Variants in MARCKSL1 observed in about 807,000 individuals in gnomAD.
MARCKSL1 encodes MARCKS-related protein.
Under a neutral mutation model 13.3 loss-of-function variants are expected in MARCKSL1, and 5 were observed. The ratio of observed to expected loss-of-function variants is 0.38; its 90% confidence interval spans 0.20 to 0.79. MARCKSL1 has a LOEUF of 0.79. Among genes scored for constraint, MARCKSL1 ranks in the 30% least tolerant of loss-of-function variants. The pLI is 0.45. For missense variants in MARCKSL1, 274 were observed against 251.6 expected, an observed-to-expected ratio of 1.09 and a Z score of -0.60; for synonymous variants, 126 against 103.2, an observed-to-expected ratio of 1.22 and a Z score of -1.34.
rs537974298 is a variant in MARCKSL1, at chr1:32,336,189, C to T, written c.-156G>A. Reference sequence around the variant, plus strand: ...AGCTGCACCTCCGCTCCGCGGCCGACCCGCTAGCTGCGCCCGCCGCCGCTC... The same window carrying T: ...AGCTGCACCTCCGCTCCGCGGCCGATCCGCTAGCTGCGCCCGCCGCCGCTC... On this transcript the variant is annotated 5_prime_UTR_variant, in exon 1 of 2. Coordinates refer to ENST00000329421, the MANE Select transcript of MARCKSL1 (RefSeq NM_023009.7). 18 of 348,084 alleles carry T rather than the reference C, an allele frequency of 5.2e-5. No individual in the cohort carries two copies. In the East Asian group the frequency reaches 7.4e-4, roughly 14 times the overall value. The allele number at this position is 348,084 out of a possible 1,614,324, so 21.6% of individuals were successfully genotyped here.
chr1:32,334,712 C>T lies in MARCKSL1; in HGVS notation c.473G>A (p.Gly158Glu). 6.2e-7 allele frequency: 1 copy of T among 1,612,718 alleles called. No homozygotes were observed. Among genetic ancestry groups the T allele is most frequent in the South Asian group, 1.1e-5 (1 of 90,994 alleles). The stretch of plus-strand genomic sequence containing the variant: ...TTCTGAGGCTGCACTAGCCTCTGCC[C>T]CCTTGGCCTGGGGTTCCTGGCTCTC... Reference protein sequence around the residue: ...TPESQEPQAKGAEASAASEEE... With the variant: ...TPESQEPQAKEAEASAASEEE... The change falls in exon 2 of 2, where the codon GGG (glycine) becomes GAG (glutamate). Residue 158 changes from glycine (G) to glutamate (E), a missense_variant. By Grantham distance (98) the Gly-to-Glu change is moderately conservative (BLOSUM62 -2). Transcript: ENST00000329421.
chr1:32,335,982 C>T lies in MARCKSL1; in HGVS notation c.52G>A (p.Ala18Thr). ...GCCTTCGCGGGGGAAGCGCCTGCTG[C>T]CTCCTCGGCGGTCACGTCGCCCCGG... ...APRGDVTAEE[A>T]AGASPAKANG... The change falls in exon 1 of 2, where the codon GCA becomes ACA. Residue 18 changes from alanine to threonine, a missense_variant. Ala to Thr is a moderately conservative substitution (Grantham distance 58, BLOSUM62 0). Transcript: ENST00000329421. The surrounding 1 kb of genome is among the most constrained non-coding windows in gnomAD (Gnocchi z 4.1). 1 of 1,295,634 alleles carries T rather than the reference C, an allele frequency of 7.7e-7. No homozygotes were observed. The highest frequency in any genetic ancestry group is 9.8e-7 in the Non-Finnish European group (1 of 1,019,374). The allele number at this position is 1,295,634 out of a possible 1,614,324, so 80.3% of individuals were successfully genotyped here.
In MARCKSL1 at chr1:32,334,453, G is replaced by A; in HGVS notation, c.*144C>T. On this transcript the variant is annotated 3_prime_UTR_variant, in exon 2 of 2. Coordinates refer to ENST00000329421, the MANE Select transcript of MARCKSL1 (RefSeq NM_023009.7). ...GGGAGAATCCACAGGAGGGAGAGGA[G>A]GAAAGGGAACGTGGCTGGGAGGAGG... is the stretch of plus-strand genomic sequence containing the variant. The A allele has an allele frequency of 1.0e-6, 1 of 986,316 alleles. No individual in the cohort carries two copies. The highest frequency in any genetic ancestry group is 3.0e-5 in the Admixed American group (1 of 33,416). 61.1% of individuals were successfully genotyped at this position (986,316 alleles called of 1,614,324 possible). A position where few individuals can be genotyped will look rare whatever the true frequency, so the allele number is the denominator to read the frequency against.
In MARCKSL1 at chr1:32,335,711, G is replaced by A. The variant is rs1327476181; in HGVS notation, c.87+236C>T. On this transcript the variant is annotated intron_variant, in intron 1 of 1. Transcript: ENST00000329421. The surrounding 1 kb of genome is among the most constrained non-coding windows in gnomAD (Gnocchi z 4.1). Reference sequence around the variant, plus strand: ...CTCGGGGCGGCCGGGGGGCAGCGCCGGGGACCGGGGCCGCGAACAAAGAAG... The same window carrying A: ...CTCGGGGCGGCCGGGGGGCAGCGCCAGGGACCGGGGCCGCGAACAAAGAAG... Among the ~76,000 whole-genome samples, 2 of 151,150 alleles carry A rather than the reference G, an allele frequency of 1.3e-5. No individual in the cohort carries two copies. The highest frequency in any genetic ancestry group is 4.8e-5 in the African/African-American group (2 of 41,298).
Position 32,334,939 on chromosome 1 carries a change from G to A in MARCKSL1, c.246C>T (p.Pro82=), listed in dbSNP as rs1297050407. ...QGAEAKGEVP[P]KETPKKKKKF... is the part of the protein sequence containing the mutation. ...TCTTCTTCTTCTTGGGGGTCTCCTT[G>A]GGGGGGACCTCCCCCTTGGCCTCAG... The change falls in exon 2 of 2, where the codon CCC becomes CCT. Residue 82 remains proline, a synonymous_variant. Transcript: ENST00000329421. 2.5e-6 allele frequency: 4 copies of A among 1,611,896 alleles called. No homozygotes were observed. Among genetic ancestry groups the A allele is most frequent in the Non-Finnish European group, 3.4e-6 (4 of 1,179,882 alleles).
chr1:32,334,288 C>A lies in MARCKSL1; in HGVS notation c.*309G>T. On this transcript the variant is annotated 3_prime_UTR_variant, in exon 2 of 2. Coordinates refer to ENST00000329421, the MANE Select transcript of MARCKSL1 (RefSeq NM_023009.7). ...CTTGGAAAAGAATTGGGGAAGAAAA[C>A]CAACAACTGCCTTATGCAGGGGTGG... The A allele has an allele frequency of 3.6e-6, 1 of 279,676 alleles. No individual in the cohort carries two copies. Among genetic ancestry groups the A allele is most frequent in the Non-Finnish European group, 6.6e-6 (1 of 150,648 alleles). 17.3% of individuals were successfully genotyped at this position (279,676 alleles called of 1,614,324 possible).
rs912638713 is a variant in MARCKSL1, at chr1:32,336,183, G to T, written c.-150C>A. ...AAGCCGAGCTGCACCTCCGCTCCGC[G>T]GCCGACCCGCTAGCTGCGCCCGCCG... On this transcript the variant is annotated 5_prime_UTR_variant, in exon 1 of 2. Coordinates refer to ENST00000329421, the MANE Select transcript of MARCKSL1 (RefSeq NM_023009.7). The T allele has an allele frequency of 1.7e-5, 6 of 353,452 alleles. No individual in the cohort carries two copies. The South Asian group carries it at 4.1e-4, about 24-fold the overall frequency. 21.9% of individuals were successfully genotyped at this position (353,452 alleles called of 1,614,324 possible).
At position 32,336,038 on chromosome 1, in the gene MARCKSL1, G is replaced by C. The variant is rs763465975; in HGVS notation, c.-5C>G. On this transcript the variant is annotated 5_prime_UTR_variant, in exon 1 of 2. Coordinates refer to ENST00000329421, the MANE Select transcript of MARCKSL1 (RefSeq NM_023009.7). The stretch of plus-strand genomic sequence containing the variant: ...CTTGGAGCTCTGGCTGCCCATGATG[G>C]GGGTCTGCTGGGGGGCGCTTGGAGC... The C allele has an allele frequency of 7.8e-6, 10 of 1,286,420 alleles. No homozygotes were observed. The highest frequency in any genetic ancestry group is 2.0e-6 in the Non-Finnish European group (2 of 1,014,992). The allele number at this position is 1,286,420 out of a possible 1,614,324, so 79.7% of individuals were successfully genotyped here. A position where few individuals can be genotyped will look rare whatever the true frequency, so the allele number is the denominator to read the frequency against.
In MARCKSL1 at chr1:32,335,554, TAA is replaced by T. The variant is rs1284144780; in HGVS notation, c.87+391_87+392del. On this transcript the variant is annotated intron_variant, in intron 1 of 1. Coordinates refer to ENST00000329421, the MANE Select transcript of MARCKSL1 (RefSeq NM_023009.7). The surrounding 1 kb of genome is among the most constrained non-coding windows in gnomAD (Gnocchi z 4.1). ...GCTCTCCCGCATCTCGGCTCCCCCT[TAA>T]AAAAAAAAAGACCGTGGGCCACCGA... is the stretch of plus-strand genomic sequence containing the variant. 7.0e-6 allele frequency among the ~76,000 whole-genome samples: 1 copy of T among 143,116 alleles called. No individual in the cohort carries two copies. The allele number at this position is 143,116 out of a possible 152,430, so 93.9% of individuals were successfully genotyped here. A position where few individuals can be genotyped will look rare whatever the true frequency, so the allele number is the denominator to read the frequency against.
Position 32,336,047 on chromosome 1 carries a change from T to TG in MARCKSL1, c.-15dup, listed in dbSNP as rs772712395. ...CTGGCTGCCCATGATGGGGGTCTGC[T>TG]GGGGGGCGCTTGGAGCCGCCCCGGG... On this transcript the variant is annotated 5_prime_UTR_variant, in exon 1 of 2. Transcript: ENST00000329421. The TG allele has an allele frequency of 3.6e-6, 4 of 1,112,232 alleles. No homozygotes were observed. Among genetic ancestry groups the TG allele is most frequent in the East Asian group, 5.3e-5 (1 of 18,874 alleles). 68.9% of individuals were successfully genotyped at this position (1,112,232 alleles called of 1,614,324 possible). A position where few individuals can be genotyped will look rare whatever the true frequency, so the allele number is the denominator to read the frequency against.
At position 32,335,277 on chromosome 1, in the gene MARCKSL1, G is replaced by T. The variant is rs1050535414; in HGVS notation, c.88-180C>A. 6.6e-6 allele frequency among the ~76,000 whole-genome samples: 1 copy of T among 152,120 alleles called. No individual in the cohort carries two copies. The highest frequency in any genetic ancestry group is 2.4e-5 in the African/African-American group (1 of 41,452). On this transcript the variant is annotated intron_variant, in intron 1 of 1. Transcript: ENST00000329421. This position sits in a 1 kb window ranked among gnomAD's most constrained non-coding sequence, Gnocchi z 4.1. ...TCCCTCTCGCCCCTCACGGGCGCGC[G>T]GGGAGCGAGCGCGCAGAGGGCGCGA...
In MARCKSL1 at chr1:32,334,681, CTCT is replaced by C. The variant is rs781178665; in HGVS notation, c.501_503del (p.Glu168del). 3.5e-5 allele frequency: 57 copies of C among 1,611,856 alleles called. No individual in the cohort carries two copies. Among genetic ancestry groups the C allele is most frequent in the East Asian group, 1.6e-4 (7 of 44,888 alleles). On this transcript the variant is annotated inframe_deletion, in exon 2 of 2. Transcript: ENST00000329421. ...ATGGCTCTGTAGCCTGGGGCCCTGC[CTCT>C]TCTTCTGAGGCTGCACTAGCCTCTG... is the stretch of plus-strand genomic sequence containing the variant.
In MARCKSL1 at chr1:32,335,944, C is replaced by T; in HGVS notation, c.87+3G>A. The T allele has an allele frequency of 7.8e-7, 1 of 1,289,040 alleles. No individual in the cohort carries two copies. 79.9% of individuals were successfully genotyped at this position (1,289,040 alleles called of 1,614,324 possible). A position where few individuals can be genotyped will look rare whatever the true frequency, so the allele number is the denominator to read the frequency against. On this transcript the variant is annotated splice_donor_region_variant and intron_variant, in intron 1 of 1. Coordinates refer to ENST00000329421, the MANE Select transcript of MARCKSL1 (RefSeq NM_023009.7). This position sits in a 1 kb window ranked among gnomAD's most constrained non-coding sequence, Gnocchi z 4.1. ...TGGGGCCGGCCGGGCCAAGCGTACC[C>T]ACCTGGCCGTTGGCCTTCGCGGGGG...
At position 32,334,922 on chromosome 1, in the gene MARCKSL1, T is replaced by C. The variant is rs1641359620; in HGVS notation, c.263A>G (p.Lys88Arg). 6.2e-7 allele frequency: 1 copy of C among 1,612,464 alleles called. No homozygotes were observed. Among genetic ancestry groups the C allele is most frequent in the Non-Finnish European group, 8.5e-7 (1 of 1,180,002 alleles). The change falls in exon 2 of 2, where the codon AAG becomes AGG. Residue 88 changes from lysine (K) to arginine (R), a missense_variant. Coordinates refer to ENST00000329421, the MANE Select transcript of MARCKSL1 (RefSeq NM_023009.7). ...CTTCTTGAAAGAGAATTTCTTCTTC[T>C]TCTTGGGGGTCTCCTTGGGGGGGAC... ...GEVPPKETPK[K>R]KKKFSFKKPF...
In MARCKSL1 at chr1:32,335,836, G is replaced by T; in HGVS notation, c.87+111C>A. 1 of 471,170 alleles carries T rather than the reference G, an allele frequency of 2.1e-6. No individual in the cohort carries two copies. The highest frequency in any genetic ancestry group is 3.3e-6 in the Non-Finnish European group (1 of 303,582). 29.2% of individuals were successfully genotyped at this position (471,170 alleles called of 1,614,324 possible). On this transcript the variant is annotated intron_variant, in intron 1 of 1. Transcript: ENST00000329421. This position sits in a 1 kb window ranked among gnomAD's most constrained non-coding sequence, Gnocchi z 4.1. ...AAAGGGACCGGGCGGGGGAGGGGGC[G>T]CCGCGTGTCCCGGGCCGGACAAAGC...
At position 32,335,766 on chromosome 1, in the gene MARCKSL1, C is replaced by T. The variant is rs1300188466; in HGVS notation, c.87+181G>A. Among the ~76,000 whole-genome samples, 1 of 149,688 alleles carries T rather than the reference C, an allele frequency of 6.7e-6. No homozygotes were observed. Among genetic ancestry groups the T allele is most frequent in the Non-Finnish European group, 1.5e-5 (1 of 67,108 alleles). Reference sequence around the variant, plus strand: ...CAGGGCCCGGCCGGCGCCCCCTCCCCGCCCCTCCCCTCGCTTCGCCCGCGG... The same window carrying T: ...CAGGGCCCGGCCGGCGCCCCCTCCCTGCCCCTCCCCTCGCTTCGCCCGCGG... On this transcript the variant is annotated intron_variant, in intron 1 of 1. Transcript: ENST00000329421. The surrounding 1 kb of genome is among the most constrained non-coding windows in gnomAD (Gnocchi z 4.1).
In MARCKSL1 at chr1:32,334,653, T is replaced by G. The variant is rs1175891738; in HGVS notation, c.532A>C (p.Thr178Pro). 4 of 1,603,314 alleles carry G rather than the reference T, an allele frequency of 2.5e-6. No individual in the cohort carries two copies. The highest frequency in any genetic ancestry group is 3.4e-6 in the Non-Finnish European group (4 of 1,175,164). ...EAGPQATEPS[T>P]PSGPESGPTP... is the part of the protein sequence containing the mutation. ...GGGCCACTCTCCGGCCCCGAGGGAG[T>G]GGATGGCTCTGTAGCCTGGGGCCCT... Residue 178 changes from threonine (T) to proline (P), a missense_variant, in exon 2 of 2, where the codon ACT (threonine) becomes CCT (proline). Coordinates refer to ENST00000329421, the MANE Select transcript of MARCKSL1 (RefSeq NM_023009.7).
rs1641390082 is a variant in MARCKSL1 at position 32,336,153 on chromosome 1, G to A, written c.-120C>T. 4 of 367,228 alleles carry A rather than the reference G, an allele frequency of 1.1e-5. No individual in the cohort carries two copies. In the East Asian group the frequency reaches 1.7e-4, roughly 15 times the overall value. The allele number at this position is 367,228 out of a possible 1,614,324, so 22.7% of individuals were successfully genotyped here. A position where few individuals can be genotyped will look rare whatever the true frequency, so the allele number is the denominator to read the frequency against. On this transcript the variant is annotated 5_prime_UTR_variant, in exon 1 of 2. Transcript: ENST00000329421. ...CTGGCGCCCGAGGGGGAGGGGTGCC[G>A]GGGGAAGCCGAGCTGCACCTCCGCT...
chr1:32,334,527 T>C lies in MARCKSL1; in HGVS notation c.*70A>G. 6.8e-7 allele frequency: 1 copy of C among 1,469,284 alleles called. No individual in the cohort carries two copies. The highest frequency in any genetic ancestry group is 2.4e-5 in the East Asian group (1 of 40,938). The allele number at this position is 1,469,284 out of a possible 1,614,324, so 91.0% of individuals were successfully genotyped here. A position where few individuals can be genotyped will look rare whatever the true frequency, so the allele number is the denominator to read the frequency against. Reference sequence around the variant, plus strand: ...ACAGGAAGGCAGCCAGGGCACCAGGTCCAGGCAGTGACCTCACAAGGACAG... The same window carrying C: ...ACAGGAAGGCAGCCAGGGCACCAGGCCCAGGCAGTGACCTCACAAGGACAG... On this transcript the variant is annotated 3_prime_UTR_variant, in exon 2 of 2. Coordinates refer to ENST00000329421, the MANE Select transcript of MARCKSL1 (RefSeq NM_023009.7).
Sources: allele counts gnomAD v4.1 joint callset (sites outside exome capture counted in the v4.1 genomes callset), GRCh38; gene constraint gnomAD v4.1.1; non-coding constraint Gnocchi (gnomAD v3.1); transcripts MANE v1.5; gene names NCBI Gene and HGNC (gene_info 2026-07-23, HGNC 2026-07-21).